HUWE1: variants seen among roughly 807,000 people sequenced by gnomAD.
The protein encoded by HUWE1 is HECT, UBA and WWE domain containing E3 ubiquitin protein ligase 1, also known as E3 ubiquitin-protein ligase HUWE1.
HUWE1 carries 18 observed loss-of-function variants against 299.4 expected under a neutral mutation model. That is an observed-to-expected ratio of 0.06 (90% CI 0.04 to 0.09). The LOEUF is 0.09. HUWE1 is among the 10% of genes least tolerant of loss of function. The pLI, the probability that HUWE1 is intolerant of heterozygous loss-of-function variation, is 1.00. For synonymous variants in HUWE1, 1,317 were observed against 1,286.1 expected, an observed-to-expected ratio of 1.02 and a Z score of -0.51; for missense variants, 1,832 against 3,462.3, an observed-to-expected ratio of 0.53 and a Z score of 11.82.
chrX:53,558,795 T>C lies in HUWE1; in HGVS notation c.8020A>G (p.Ile2674Val), dbSNP rs1312668006. Residue 2674 changes from isoleucine (I) to valine (V), a missense_variant, in exon 59 of 84, where the codon ATT (isoleucine) becomes GTT (valine). Ile to Val is a conservative substitution (Grantham distance 29). Transcript: ENST00000262854. ...HDCVSVVKVSIVNHLEFLRDE... is the reference protein window; with the variant it reads ...HDCVSVVKVSVVNHLEFLRDE... ...CTCAGGAATTCCAGGTGATTGACAA[T>C]GGACACTTTAACCACTGTTTCAAAG... is the stretch of plus-strand genomic sequence containing the variant. 1.7e-6 allele frequency: 2 copies of C among 1,210,058 alleles called. No homozygotes were observed. The highest frequency in any genetic ancestry group is 2.2e-6 in the Non-Finnish European group (2 of 895,215).
Position 53,657,658 on chromosome X carries a change from G to A in HUWE1, c.-24-3527C>T, listed in dbSNP as rs782696494. ...ACAGAACTGTCTTTTTGTCAGAGATGACATGATCATACATGCAGAAAATCT... is the reference window on the plus strand; with the variant it reads ...ACAGAACTGTCTTTTTGTCAGAGATAACATGATCATACATGCAGAAAATCT... On this transcript the variant is annotated intron_variant, in intron 3 of 83. Coordinates refer to ENST00000262854, the MANE Select transcript of HUWE1 (RefSeq NM_031407.7). 2.3e-4 allele frequency among the ~76,000 whole-genome samples: 26 copies of A among 112,241 alleles called. No individual in the cohort carries two copies. The South Asian group carries it at 5.2e-3, about 22-fold the overall frequency.
chrX:53,653,793 T>C (rs1234346432), intron 4 of HUWE1, among the ~76,000 whole-genome samples: 2 of 112,295 alleles, frequency 1.8e-5, no homozygotes, highest in African/African-American at 3.2e-5. Context: ...TAGGAAGGAA[T>C]TGCACAGCAG....
intron 47 of HUWE1, among the ~76,000 whole-genome samples, chrX:53,570,387 A>G (rs955665445): frequency 2.7e-5 from 3 of 112,813 alleles, no homozygotes; most frequent in African/African-American, 9.7e-5. Flanking sequence ...GAAGCCCCCT[A>G]AAGAAGTGGC....
Position 53,594,499 on chromosome X carries a change from T to A in HUWE1, c.3503A>T (p.Glu1168Val). ...CTCTGTGAAGCAACTTGATCCTTACTCAAAAAGAGCATTGTGGCCTCCGGA... is the reference window on the plus strand; with the variant it reads ...CTCTGTGAAGCAACTTGATCCTTACACAAAAAGAGCATTGTGGCCTCCGGA... ...LCSGGHNALF[E>V]TFNWALSMGG... Residue 1168 changes from glutamate to valine, a missense_variant and splice_region_variant, in exon 31 of 84, where the codon GAA (glutamate) becomes GTA (valine). Physicochemically the swap from Glu to Val is moderately radical, Grantham distance 121. Around this residue, in one of 15 missense-constraint regions of HUWE1, gnomAD observed 658 missense variants for 1,282.6 expected, o/e 0.51. Coordinates refer to ENST00000262854, the MANE Select transcript of HUWE1 (RefSeq NM_031407.7). The A allele has an allele frequency of 8.3e-7, 1 of 1,209,990 alleles. No homozygotes were observed.
intron 74 of HUWE1, among the ~76,000 whole-genome samples, chrX:53,540,891 C>T (rs1466636932): frequency 9.0e-6 from 1 of 111,729 alleles, no homozygotes; most frequent in Non-Finnish European, 1.9e-5. Context: ...CATCCTTTAC[C>T]CAAATCCTGA....
At chrX:53,644,573 T>C (rs1222607748) in intron 7 of HUWE1, among the ~76,000 whole-genome samples, 3 of 112,403 alleles carry the variant, frequency 2.7e-5, no homozygotes, top group Non-Finnish European at 5.6e-5. Flanking sequence ...ACATTTTGTC[T>C]ACATTTTCCT....
At chrX:53,648,350 G>A in intron 4 of HUWE1, 40 bp from the exon 5 acceptor site, 1 of 834,143 alleles carries the variant, frequency 1.2e-6, no homozygotes, top group Non-Finnish European at 1.8e-6. Context: ...GTTTTGGAAT[G>A]AGGGAGTTGC....
chrX:53,624,592 T>C lies in HUWE1; in HGVS notation c.1672+3A>G, dbSNP rs781899845. 8 of 1,177,182 alleles carry C rather than the reference T, an allele frequency of 6.8e-6. No individual in the cohort carries two copies. The highest frequency in any genetic ancestry group is 1.2e-6 in the Non-Finnish European group (1 of 865,051). On this transcript the variant is annotated splice_donor_region_variant and intron_variant, in intron 19 of 83. Coordinates refer to ENST00000262854, the MANE Select transcript of HUWE1 (RefSeq NM_031407.7). ...GTTATAACCAACTATCAACTCCACT[T>C]ACCTAGGAGGAAGAGTGATGGGCCA...
At chrX:53,666,830 C>T (rs988017022) in intron 3 of HUWE1, among the ~76,000 whole-genome samples, 12 of 111,703 alleles carry the variant, frequency 1.1e-4, no homozygotes, top group East Asian at 5.6e-4. Context: ...CTTTGCATTC[C>T]TGTACCAGCA....
At chrX:53,540,289 C>G (rs2061279555) in intron 74 of HUWE1, among the ~76,000 whole-genome samples, 1 of 111,202 alleles carries the variant, frequency 9.0e-6, no homozygotes. Flanking sequence ...GAAGACAGCA[C>G]CAGGACATCA....
intron 2 of HUWE1, 79 bp from the exon 3 acceptor site, chrX:53,680,265 A>G (rs782729727): frequency 1.1e-4 from 31 of 289,280 alleles, no homozygotes; most frequent in African/African-American, 8.0e-4. Flanking sequence ...TAACCATTCT[A>G]TTATGTTCAA....
intron 45 of HUWE1, among the ~76,000 whole-genome samples, 179 bp from the exon 46 acceptor site, chrX:53,575,400 G>T (rs2063051436): frequency 9.0e-6 from 1 of 111,060 alleles, no homozygotes. Context: ...ACAGTGACTG[G>T]GAGACTGTGG....
Position 53,657,525 on chromosome X carries a change from C to CA in HUWE1, c.-24-3395dup, listed in dbSNP as rs201286123. Among the ~76,000 whole-genome samples the CA allele has an allele frequency of 9.6e-3, 1,073 of 111,275 alleles. 56 individuals are homozygous for CA. The highest frequency in any genetic ancestry group is 0.086 in the Admixed American group (910 of 10,538). On this transcript the variant is annotated intron_variant, in intron 3 of 83. Coordinates refer to ENST00000262854, the MANE Select transcript of HUWE1 (RefSeq NM_031407.7). Reference sequence around the variant, plus strand: ...TGGGCGACAGAGTGAGACTCCGTCTCAAAAAAGAAAAAGATGTCCTCTCTT... The same window carrying CA: ...TGGGCGACAGAGTGAGACTCCGTCTCAAAAAAAGAAAAAGATGTCCTCTCTT...
intron 23 of HUWE1, among the ~76,000 whole-genome samples, chrX:53,611,785 G>A (rs969804078): frequency 9.2e-6 from 1 of 109,190 alleles, no homozygotes; most frequent in Admixed American, 9.7e-5. Context: ...TTGAACTCGG[G>A]AGGCGGAGGT....
At chrX:53,660,557 C>T (rs889461824) in intron 3 of HUWE1, among the ~76,000 whole-genome samples, 12 of 111,854 alleles carry the variant, frequency 1.1e-4, no homozygotes, top group Non-Finnish European at 2.1e-4. Flanking sequence ...GAGGGGGGAA[C>T]GTTAGTATAC....
intron 60 of HUWE1, among the ~76,000 whole-genome samples, chrX:53,556,646 T>G (rs1438517397): frequency 1.8e-5 from 2 of 111,376 alleles, no homozygotes; most frequent in Non-Finnish European, 3.8e-5. Flanking sequence ...CATACGGCAG[T>G]CATACCACTA....
At position 53,549,515 on chromosome X, in the gene HUWE1, G is replaced by A; in HGVS notation, c.9489-10C>T. ...ATTACTGCCAGAAGGCCTGGAAACAGAACATGGTTTTTGGGTAACACTTCA... is the reference window on the plus strand; with the variant it reads ...ATTACTGCCAGAAGGCCTGGAAACAAAACATGGTTTTTGGGTAACACTTCA... On this transcript the variant is annotated splice_polypyrimidine_tract_variant and intron_variant, in intron 66 of 83. Coordinates refer to ENST00000262854, the MANE Select transcript of HUWE1 (RefSeq NM_031407.7). 1.7e-6 allele frequency: 2 copies of A among 1,196,930 alleles called. No homozygotes were observed. The highest frequency in any genetic ancestry group is 2.3e-6 in the Non-Finnish European group (2 of 888,613).
In HUWE1 at chrX:53,536,216, G is replaced by A; in HGVS notation, c.12462C>T (p.Tyr4154=). 1 of 1,199,018 alleles carries A rather than the reference G, an allele frequency of 8.3e-7. No homozygotes were observed. The highest frequency in any genetic ancestry group is 1.1e-6 in the Non-Finnish European group (1 of 884,444). The change falls in exon 80 of 84, where the codon TAC becomes TAT. Residue 4154 remains tyrosine (Y), a synonymous_variant. Coordinates refer to ENST00000262854, the MANE Select transcript of HUWE1 (RefSeq NM_031407.7). ...TDMESEDYHF[Y]QGLVYLLEND... is the part of the protein sequence containing the mutation. ...TTTCCAGCAGATAAACCAGACCTTGGTAGAAGTGGTAATCTTCACTCTCCA... is the reference window on the plus strand; with the variant it reads ...TTTCCAGCAGATAAACCAGACCTTGATAGAAGTGGTAATCTTCACTCTCCA...
At position 53,536,028 on chromosome X, in the gene HUWE1, G is replaced by A. The variant is rs782169438; in HGVS notation, c.12531+119C>T. 3.1e-5 allele frequency: 13 copies of A among 424,620 alleles called. No individual in the cohort carries two copies. In the South Asian group the frequency reaches 3.1e-4, roughly 10 times the overall value. The allele number at this position is 424,620 out of a possible 1,213,427, so 35.0% of individuals were successfully genotyped here. A position where few individuals can be genotyped will look rare whatever the true frequency, so the allele number is the denominator to read the frequency against. ...TCACAAACACCTGCTACAGCTTTAA[G>A]AAGTCAAGATGCTTCCTTAGAACTA... On this transcript the variant is annotated intron_variant, in intron 80 of 83. Coordinates refer to ENST00000262854, the MANE Select transcript of HUWE1 (RefSeq NM_031407.7).
Sources: gnomAD v4.1 joint callset for allele counts (sites outside exome capture counted in the v4.1 genomes callset) on GRCh38, gnomAD v4.1.1 for gene constraint, gnomAD v4.1.1 regional missense constraint, MANE v1.5 for transcripts, NCBI Gene and HGNC (gene_info 2026-07-23, HGNC 2026-07-21) for gene names.